RPA3: variants seen among roughly 807,000 people sequenced by gnomAD.
RPA3 encodes replication protein A3.
A neutral mutation model predicts 13.7 loss-of-function variants in RPA3; 24 were observed. The observed-to-expected ratio is 1.75, with a 90% CI of 1.27 to 2.46. The LOEUF (loss-of-function observed/expected upper bound fraction) is 2.46, where lower values mean the gene tolerates loss of function less well. Among genes scored for constraint, RPA3 ranks in the 30% most tolerant of loss-of-function variants. The probability of loss-of-function intolerance (pLI) is 0.00; values close to 1 mark genes in which losing one functional copy is unlikely to be tolerated. For synonymous variants in RPA3, 59 were observed against 51.2 expected (o/e 1.15, Z -0.65); for missense variants, 183 against 151.0 (o/e 1.21, Z -1.11).
intron 4 of RPA3, among the ~76,000 whole-genome samples, chr7:7,645,507 T>C (rs866753555): frequency 1.6e-4 from 24 of 152,190 alleles, no homozygotes; most frequent in South Asian, 2.1e-4. Context: ...ATCAAGTAAA[T>C]CCACGTTCTA....
At chr7:7,704,326 T>C (rs1324285035) in intron 2 of RPA3, among the ~76,000 whole-genome samples, 2 of 152,144 alleles carry the variant, frequency 1.3e-5, no homozygotes, top group Admixed American at 6.5e-5. Context: ...ATTTAAAATT[T>C]GTTTTGAAGT....
intron 4 of RPA3, among the ~76,000 whole-genome samples, chr7:7,652,141 G>A (rs1360081973): frequency 1.3e-5 from 2 of 152,166 alleles, no homozygotes; most frequent in Non-Finnish European, 2.9e-5. Flanking sequence ...ATTAAGCTCA[G>A]GCAGTGGGGA....
In RPA3 at chr7:7,636,913, CA is replaced by C; in HGVS notation, c.*86del. Reference sequence around the variant, plus strand: ...AAACAGCAAATTAAATATGAGAAAGCACAGAAATCTCTCCCTCAAACAAGAA... The same window carrying C: ...AAACAGCAAATTAAATATGAGAAAGCCAGAAATCTCTCCCTCAAACAAGAA... On this transcript the variant is annotated 3_prime_UTR_variant, in exon 8 of 8. Transcript: ENST00000223129. 1.0e-6 allele frequency: 1 copy of C among 958,760 alleles called. No individual in the cohort carries two copies. Among genetic ancestry groups the C allele is most frequent in the Non-Finnish European group, 1.6e-6 (1 of 608,182 alleles). The allele number at this position is 958,760 out of a possible 1,614,324, so 59.4% of individuals were successfully genotyped here.
At chr7:7,703,719 C>T (rs970170946) in intron 2 of RPA3, among the ~76,000 whole-genome samples, 27 of 152,116 alleles carry the variant, frequency 1.8e-4, no homozygotes, top group Admixed American at 1.6e-3. Flanking sequence ...ACTGGCAGAT[C>T]GCTTGAGCCC....
intron 4 of RPA3, among the ~76,000 whole-genome samples, chr7:7,669,329 C>G (rs904340969): frequency 6.6e-6 from 1 of 152,094 alleles, no homozygotes; most frequent in African/African-American, 2.4e-5. Context: ...TTCCCCTTCG[C>G]CTTTCCAGTT....
At chr7:7,637,145 C>G (rs796749632) in intron 7 of RPA3, 63 bp from the exon 8 acceptor site, 2 of 1,161,612 alleles carry the variant, frequency 1.7e-6, no homozygotes, top group Non-Finnish European at 2.6e-6. Context: ...CAATTATTAT[C>G]TAAGATATTT....
At chr7:7,652,173 C>T (rs1785236520) in intron 4 of RPA3, among the ~76,000 whole-genome samples, 1 of 152,200 alleles carries the variant, frequency 6.6e-6, no homozygotes, top group African/African-American at 2.4e-5. Context: ...TTTTCCACAT[C>T]TTCTTTGTGG....
intron 4 of RPA3, among the ~76,000 whole-genome samples, chr7:7,679,704 A>G (rs902014292): frequency 4.5e-5 from 6 of 133,162 alleles, no homozygotes; most frequent in Admixed American, 8.1e-5. Flanking sequence ...TATTTAATTT[A>G]TAGATAAATA....
intron 4 of RPA3, among the ~76,000 whole-genome samples, chr7:7,650,576 A>C (rs4720748): frequency 0.31 from 46,710 of 152,194 alleles, 9,133 homozygotes; most frequent in East Asian, 0.79. Flanking sequence ...ACCTAATGCC[A>C]CTAAACCGTA....
intron 4 of RPA3, among the ~76,000 whole-genome samples, chr7:7,654,849 G>A (rs1225762385): frequency 1.3e-5 from 2 of 150,054 alleles, no homozygotes; most frequent in East Asian, 4.0e-4. Context: ...ATTGCAGTGA[G>A]CCAAGATTGT....
Position 7,636,784 on chromosome 7 carries a change from T to C in RPA3, c.*216A>G. On this transcript the variant is annotated 3_prime_UTR_variant, in exon 8 of 8. Coordinates refer to ENST00000223129, the MANE Select transcript of RPA3 (RefSeq NM_002947.5). ...CTCGGACAACTGCTTTATTCTTGCA[T>C]CTAATCTGACCATATATTGGAGTAG... 2 of 480,736 alleles carry C rather than the reference T, an allele frequency of 4.2e-6. No homozygotes were observed. Among genetic ancestry groups the C allele is most frequent in the Non-Finnish European group, 3.6e-6 (1 of 274,914 alleles). The allele number at this position is 480,736 out of a possible 1,614,324, so 29.8% of individuals were successfully genotyped here. A position where few individuals can be genotyped will look rare whatever the true frequency, so the allele number is the denominator to read the frequency against.
intron 4 of RPA3, among the ~76,000 whole-genome samples, chr7:7,657,525 G>T (rs560018170): frequency 6.6e-6 from 1 of 152,180 alleles, no homozygotes; most frequent in East Asian, 1.9e-4. Flanking sequence ...TCAGTTTTCT[G>T]TATATGGCTA....
intron 4 of RPA3, among the ~76,000 whole-genome samples, chr7:7,668,422 A>G (rs2115101424): frequency 6.6e-6 from 1 of 152,322 alleles, no homozygotes; most frequent in East Asian, 1.9e-4. Flanking sequence ...GAGGGGGACC[A>G]TATTCACATA....
At chr7:7,677,760 G>A (rs1468932908) in intron 4 of RPA3, among the ~76,000 whole-genome samples, 4 of 134,328 alleles carry the variant, frequency 3.0e-5, no homozygotes, top group Non-Finnish European at 4.6e-5. Context: ...TGCAAGCTCT[G>A]CCTCCCAGGT....
At chr7:7,716,255 A>C (rs371866133) in intron 1 of RPA3, among the ~76,000 whole-genome samples, 1 of 152,192 alleles carries the variant, frequency 6.6e-6, no homozygotes, top group African/African-American at 2.4e-5. Flanking sequence ...AGGATTCGAT[A>C]TTATTACAAC....
At chr7:7,663,402 G>C (rs1316139312) in intron 4 of RPA3, among the ~76,000 whole-genome samples, 1 of 152,070 alleles carries the variant, frequency 6.6e-6, no homozygotes, top group Admixed American at 6.5e-5. Context: ...GAGCTGAAAA[G>C]TGACATCAGT....
chr7:7,669,839 A>T (rs542091972), intron 4 of RPA3, among the ~76,000 whole-genome samples: 26 of 152,136 alleles, frequency 1.7e-4, no homozygotes, highest in African/African-American at 5.3e-4. Flanking sequence ...GTTCTTTTCT[A>T]TAGTCTCTGC....
intron 4 of RPA3, among the ~76,000 whole-genome samples, chr7:7,665,857 G>C (rs527387024): frequency 2.0e-5 from 3 of 150,034 alleles, no homozygotes; most frequent in Non-Finnish European, 4.4e-5. Context: ...GCATGTTGTA[G>C]CATGTATCAC....
chr7:7,701,343 T>C (rs759317192), intron 2 of RPA3, among the ~76,000 whole-genome samples: 1 of 152,190 alleles, frequency 6.6e-6, no homozygotes, highest in Non-Finnish European at 1.5e-5. Flanking sequence ...TGAAGGTATG[T>C]GACAGTTTTT....
Sources: allele counts gnomAD v4.1 joint callset (sites outside exome capture counted in the v4.1 genomes callset), GRCh38; gene constraint gnomAD v4.1.1; transcripts MANE v1.5; gene names NCBI Gene and HGNC (gene_info 2026-07-23, HGNC 2026-07-21).